WDCP: variants seen among roughly 807,000 people sequenced by gnomAD.
WDCP encodes the protein WD repeat and coiled coil containing.
Under a neutral mutation model 41.6 loss-of-function variants are expected in WDCP, and 19 were observed. That is an observed-to-expected ratio of 0.46 (90% CI 0.32 to 0.67). The LOEUF is 0.67. Among genes scored for constraint, WDCP ranks in the 30% least tolerant of loss-of-function variants. WDCP has a pLI of 0.04. For missense variants in WDCP, 802 were observed against 850.7 expected, an observed-to-expected ratio of 0.94 and a Z score of 0.71; for synonymous variants, 302 against 320.8, an observed-to-expected ratio of 0.94 and a Z score of 0.63.
chr2:24,043,463 G>A (rs1338881050), intron 1 of WDCP, among the ~76,000 whole-genome samples: 1 of 151,836 alleles, frequency 6.6e-6, no homozygotes, highest in Non-Finnish European at 1.5e-5. Context: ...GATCAGCCTG[G>A]ACAACACAGC....
At chr2:24,036,444 G>A (rs1442493803) in intron 2 of WDCP, among the ~76,000 whole-genome samples, 4 of 149,614 alleles carry the variant, frequency 2.7e-5, no homozygotes, top group African/African-American at 7.3e-5. Flanking sequence ...GGTGACATAC[G>A]AGGAAAAGGA....
chr2:24,031,825 CAAAA>C (rs545558415), intron 3 of WDCP, among the ~76,000 whole-genome samples: 1 of 115,524 alleles, frequency 8.7e-6, no homozygotes, highest in Non-Finnish European at 1.8e-5. Flanking sequence ...GACTCGGTCT[CAAAA>C]AAAAAAAAAG....
At chr2:24,032,291 C>A (rs1276331588) in intron 3 of WDCP, among the ~76,000 whole-genome samples, 1 of 152,152 alleles carries the variant, frequency 6.6e-6, no homozygotes. Flanking sequence ...CCGAGGCAGG[C>A]GGATTGCCTG....
Position 24,038,174 on chromosome 2 carries a change from A to T in WDCP, c.1321T>A (p.Ser441Thr), listed in dbSNP as rs771110952. ...GAGTAGGTAGTCTGGCTTTCACCTG[A>T]TGTTATTGAAGGTTCTTCTTCCAAC... Reference protein sequence around the residue: ...IMLEEEPSITSGESQTTYSTF... With the variant: ...IMLEEEPSITTGESQTTYSTF... Residue 441 changes from serine (S) to threonine (T), a missense_variant, in exon 2 of 4, where the codon TCA becomes ACA. Physicochemically the swap from Ser to Thr is moderately conservative, Grantham distance 58 (BLOSUM62 1). Transcript: ENST00000295148. 6.8e-6 allele frequency: 11 copies of T among 1,614,074 alleles called. No homozygotes were observed. Among genetic ancestry groups the T allele is most frequent in the Non-Finnish European group, 4.2e-6 (5 of 1,180,038 alleles).
In WDCP at chr2:24,038,662, G is replaced by A. The variant is rs112353249; in HGVS notation, c.833C>T (p.Ser278Phe). ...AGTTAGATCCAGAGGTTCTAAATAG[G>A]AAGAAGAAACTGATACTTCAGAATT... ...ETNSEVSVSS[S>F]YLEPLDLTHI... The change falls in exon 2 of 4, where the codon TCC becomes TTC. Residue 278 changes from serine (S) to phenylalanine (F), a missense_variant. By Grantham distance (155) the Ser-to-Phe change is radical. Transcript: ENST00000295148. The A allele has an allele frequency of 1.1e-5, 17 of 1,614,172 alleles. No homozygotes were observed. The African/African-American group carries it at 2.1e-4, about 20-fold the overall frequency.
At position 24,039,309 on chromosome 2, in the gene WDCP, C is replaced by T. The variant is rs755748317; in HGVS notation, c.186G>A (p.Gly62=). The T allele has an allele frequency of 2.5e-6, 4 of 1,614,126 alleles. No individual in the cohort carries two copies. Among genetic ancestry groups the T allele is most frequent in the African/African-American group, 2.7e-5 (2 of 74,940 alleles). Reference sequence around the variant, plus strand: ...CTGCAACAGGTGGGGCCCAGGACAACCCACAGACACATTCAAACTGTCCAA... The same window carrying T: ...CTGCAACAGGTGGGGCCCAGGACAATCCACAGACACATTCAAACTGTCCAA... ...KVIGQFECVC[G]LSWAPPVADD... The change falls in exon 2 of 4, where the codon GGG becomes GGA. Residue 62 remains glycine, a synonymous_variant. Coordinates refer to ENST00000295148, the MANE Select transcript of WDCP (RefSeq NM_025203.3).
At chr2:24,046,901 A>C (rs1663643991) in intron 1 of WDCP, among the ~76,000 whole-genome samples, 1 of 152,074 alleles carries the variant, frequency 6.6e-6, no homozygotes, top group Admixed American at 6.6e-5. Context: ...ATGTTATTTA[A>C]AAGTTTAATA....
Position 24,038,281 on chromosome 2 carries a change from T to C in WDCP, c.1214A>G (p.Lys405Arg). ...AAATGTTGTATCAGTGAGTTTTTGTTTTCCTACCAAAATTAGTAATAGTTG... is the reference window on the plus strand; with the variant it reads ...AAATGTTGTATCAGTGAGTTTTTGTCTTCCTACCAAAATTAGTAATAGTTG... ...TDQLLLILVG[K>R]QKLTDTTFLP... The change falls in exon 2 of 4, where the codon AAA (lysine) becomes AGA (arginine). Residue 405 changes from lysine to arginine, a missense_variant. Coordinates refer to ENST00000295148, the MANE Select transcript of WDCP (RefSeq NM_025203.3). 1 of 1,614,204 alleles carries C rather than the reference T, an allele frequency of 6.2e-7. No homozygotes were observed. The highest frequency in any genetic ancestry group is 2.2e-5 in the East Asian group (1 of 44,876).
In WDCP at chr2:24,030,634, T is replaced by C. The variant is rs1007465247; in HGVS notation, c.*299A>G. The C allele has an allele frequency of 2.4e-5, 7 of 290,418 alleles. No individual in the cohort carries two copies. In the Admixed American group the frequency reaches 2.8e-4, roughly 12 times the overall value. 18.0% of individuals were successfully genotyped at this position (290,418 alleles called of 1,614,324 possible). On this transcript the variant is annotated 3_prime_UTR_variant, in exon 4 of 4. Transcript: ENST00000295148. ...GGGACACAAAGCCTCAGAGAAACCA[T>C]AAAACACCATCCATATGGCACCATA...
chr2:24,038,503 G>T lies in WDCP; in HGVS notation c.992C>A (p.Thr331Lys). ...LVTFKKAVTM[T>K]RKVTIPGILV... The stretch of plus-strand genomic sequence containing the variant: ...AATGCCTGGAATAGTGACTTTTCTC[G>T]TCATGGTAACTGCCTTCTTAAAGGT... Residue 331 changes from threonine to lysine, a missense_variant, in exon 2 of 4, where the codon ACG (threonine) becomes AAG (lysine). Around this residue, in one of 5 missense-constraint regions of WDCP, gnomAD observed 247 missense variants for 240.5 expected, o/e 1.03. Transcript: ENST00000295148. The T allele has an allele frequency of 6.2e-7, 1 of 1,614,202 alleles. No individual in the cohort carries two copies. Among genetic ancestry groups the T allele is most frequent in the African/African-American group, 1.3e-5 (1 of 75,052 alleles).
intron 1 of WDCP, among the ~76,000 whole-genome samples, chr2:24,042,894 G>A (rs1317178124): frequency 3.3e-5 from 5 of 151,572 alleles, no homozygotes; most frequent in South Asian, 2.1e-4. Flanking sequence ...TTAGCTGGGC[G>A]TGGTGGCACA....
chr2:24,044,349 A>C (rs1663547124), intron 1 of WDCP, among the ~76,000 whole-genome samples: 1 of 152,088 alleles, frequency 6.6e-6, no homozygotes, highest in African/African-American at 2.4e-5. Flanking sequence ...GGCTCACTGC[A>C]ACCTCTGCTT....
rs530058421 is a variant in WDCP at position 24,038,625 on chromosome 2, G to T, written c.870C>A (p.Phe290Leu). 1.2e-6 allele frequency: 2 copies of T among 1,614,160 alleles called. No homozygotes were observed. Among genetic ancestry groups the T allele is most frequent in the East Asian group, 2.2e-5 (1 of 44,888 alleles). The change falls in exon 2 of 4, where the codon TTC becomes TTA. Residue 290 changes from phenylalanine (F) to leucine (L), a missense_variant. Coordinates refer to ENST00000295148, the MANE Select transcript of WDCP (RefSeq NM_025203.3). ...LEPLDLTHIHFNQHKSEGNSL... is the reference protein window; with the variant it reads ...LEPLDLTHIHLNQHKSEGNSL... ...AATTACCCTCAGACTTATGTTGATTGAAATGTATGTGAGTTAGATCCAGAG... is the reference window on the plus strand; with the variant it reads ...AATTACCCTCAGACTTATGTTGATTTAAATGTATGTGAGTTAGATCCAGAG...
At chr2:24,044,432 A>G (rs1407671452) in intron 1 of WDCP, among the ~76,000 whole-genome samples, 2 of 151,924 alleles carry the variant, frequency 1.3e-5, no homozygotes, top group Non-Finnish European at 2.9e-5. Context: ...ATGCCCAGCT[A>G]ATTTTTATAT....
At chr2:24,031,635 G>T (rs749870558) in intron 3 of WDCP, among the ~76,000 whole-genome samples, 31 of 152,024 alleles carry the variant, frequency 2.0e-4, no homozygotes, top group Non-Finnish European at 4.4e-4. Flanking sequence ...GACCATCCTG[G>T]CTAACATGGT....
rs1663066608 is a variant in WDCP, at chr2:24,030,304, C to T, written c.*629G>A. ...AATTTCATTCAAAATTTTCCCAGGG[C>T]CAGTTTTTAAGAGTACCTGGACCTT... On this transcript the variant is annotated 3_prime_UTR_variant, in exon 4 of 4. Coordinates refer to ENST00000295148, the MANE Select transcript of WDCP (RefSeq NM_025203.3). 6.6e-6 allele frequency: 1 copy of T among 152,104 alleles called. No homozygotes were observed. The allele number at this position is 152,104 out of a possible 1,614,324, so 9.4% of individuals were successfully genotyped here. A position where few individuals can be genotyped will look rare whatever the true frequency, so the allele number is the denominator to read the frequency against.
intron 2 of WDCP, 94 bp from the exon 3 acceptor site, chr2:24,033,040 A>T: frequency 1.2e-6 from 1 of 803,080 alleles, no homozygotes; most frequent in Non-Finnish European, 2.1e-6. Flanking sequence ...TTTTTAAAAA[A>T]TTCTTATCTA....
In WDCP at chr2:24,037,654, T is replaced by A. The variant is rs774504322; in HGVS notation, c.1818+23A>T. On this transcript the variant is annotated intron_variant, in intron 2 of 3. Transcript: ENST00000295148. ...CTGCAGGAGCTTTTATGTATAGTGGTAGTTCCTCAAAGGAGAATTTACCTG... is the reference window on the plus strand; with the variant it reads ...CTGCAGGAGCTTTTATGTATAGTGGAAGTTCCTCAAAGGAGAATTTACCTG... 14 of 1,585,938 alleles carry A rather than the reference T, an allele frequency of 8.8e-6. No homozygotes were observed. The East Asian group carries it at 2.9e-4, about 33-fold the overall frequency.
intron 2 of WDCP, among the ~76,000 whole-genome samples, chr2:24,035,709 C>G (rs533527012): frequency 1.3e-4 from 20 of 150,402 alleles, no homozygotes; most frequent in South Asian, 2.1e-4. Context: ...GAGCCCAGGA[C>G]TTCCAAACAA....
Sources: gnomAD v4.1 joint callset for allele counts (sites outside exome capture counted in the v4.1 genomes callset) on GRCh38, gnomAD v4.1.1 for gene constraint, gnomAD v4.1.1 regional missense constraint, MANE v1.5 for transcripts, NCBI Gene and HGNC (gene_info 2026-07-23, HGNC 2026-07-21) for gene names.